EFCAB6: variants seen among roughly 807,000 people sequenced by gnomAD.
EFCAB6 encodes the protein EF-hand calcium-binding domain-containing protein 6.
EFCAB6 carries 156 observed loss-of-function variants against 169.8 expected under a neutral mutation model. The observed-to-expected ratio is 0.92, with a 90% CI of 0.81 to 1.05. The LOEUF is 1.05. Ranked by LOEUF, EFCAB6 falls within the 50% of genes least tolerant of loss-of-function variation. The pLI, the probability that EFCAB6 is intolerant of heterozygous loss-of-function variation, is 0.00. For missense variants in EFCAB6, 1,800 were observed against 1,829.1 expected (o/e 0.98, Z 0.29); for synonymous variants, 698 against 676.4 (o/e 1.03, Z -0.50).
chr22:43,748,847 A>T (rs368245614), intron 6 of EFCAB6, among the ~76,000 whole-genome samples: 2 of 152,186 alleles, frequency 1.3e-5, no homozygotes, highest in African/African-American at 4.8e-5. Flanking sequence ...GAAAGCTGGG[A>T]CATTTAACTG....
chr22:43,671,891 A>T (rs2057507594), intron 15 of EFCAB6, 82 bp downstream of exon 15: 1 of 1,505,768 alleles, frequency 6.6e-7, no homozygotes, highest in South Asian at 1.3e-5. Context: ...AATATTTCAA[A>T]AACACACAGA....
intron 26 of EFCAB6, among the ~76,000 whole-genome samples, chr22:43,573,920 T>C (rs150120205): frequency 1.3e-4 from 20 of 152,336 alleles, no homozygotes; most frequent in African/African-American, 4.8e-4. Context: ...TTCAATCATT[T>C]ATGTCTTTAA....
intron 15 of EFCAB6, among the ~76,000 whole-genome samples, chr22:43,671,391 G>A (rs139053272): frequency 1.5e-3 from 225 of 152,086 alleles, no homozygotes; most frequent in African/African-American, 5.2e-3. Flanking sequence ...TAGTAGAGAT[G>A]GGGTTTCTCC....
chr22:43,791,556 G>C (rs2062289186), intron 2 of EFCAB6, among the ~76,000 whole-genome samples: 1 of 152,106 alleles, frequency 6.6e-6, no homozygotes, highest in South Asian at 2.1e-4. Context: ...AGAAAGACCA[G>C]AGGCCACAGT....
intron 10 of EFCAB6, among the ~76,000 whole-genome samples, chr22:43,708,228 G>A (rs1466729210): frequency 2.0e-5 from 3 of 151,920 alleles, no homozygotes; most frequent in South Asian, 2.1e-4. Flanking sequence ...CCAACATGGC[G>A]AAACCCTATC....
chr22:43,657,362 C>T (rs760672315), intron 17 of EFCAB6, among the ~76,000 whole-genome samples: 2 of 151,704 alleles, frequency 1.3e-5, no homozygotes, highest in Non-Finnish European at 2.9e-5. Flanking sequence ...AAAGGATAGA[C>T]TGAAGTCATT....
chr22:43,658,546 C>T (rs73887376), intron 17 of EFCAB6, among the ~76,000 whole-genome samples: 3,396 of 152,250 alleles, frequency 0.022, 115 homozygotes, highest in African/African-American at 0.078. Flanking sequence ...TTTCGTGGTA[C>T]GCAGGGGATC....
At position 43,716,861 on chromosome 22, in the gene EFCAB6, T is replaced by C; in HGVS notation, c.869A>G (p.Asn290Ser). 6.2e-7 allele frequency: 1 copy of C among 1,603,962 alleles called. No homozygotes were observed. Residue 290 changes from asparagine to serine, a missense_variant, in exon 9 of 32, where the codon AAC becomes AGC. Transcript: ENST00000262726. ...AAAACATCTTACTTGTAGACAAAAG[T>C]TCCTCTCAATTTCATCCAAGGAGTA... is the stretch of plus-strand genomic sequence containing the variant. Reference protein sequence around the residue: ...RNYSLDEIERNFCLQLSKSYE... With the variant: ...RNYSLDEIERSFCLQLSKSYE...
At chr22:43,584,142 C>T (rs2050906298) in intron 24 of EFCAB6, among the ~76,000 whole-genome samples, 1 of 152,072 alleles carries the variant, frequency 6.6e-6, no homozygotes, top group African/African-American at 2.4e-5. Context: ...AATTTAACTA[C>T]CTATCCAAAG....
chr22:43,591,023 T>C (rs1054448946), intron 23 of EFCAB6, among the ~76,000 whole-genome samples: 9 of 151,748 alleles, frequency 5.9e-5, no homozygotes, highest in Admixed American at 1.3e-4. Flanking sequence ...GAAACAGCCA[T>C]CATGTGGTGT....
intron 28 of EFCAB6, among the ~76,000 whole-genome samples, chr22:43,538,162 G>A (rs1245764038): frequency 6.6e-6 from 1 of 152,062 alleles, no homozygotes; most frequent in African/African-American, 2.4e-5. Flanking sequence ...CTGCATCTCA[G>A]TTGATAATTA....
In EFCAB6 at chr22:43,667,109, T is replaced by G. The variant is rs2057297681; in HGVS notation, c.1978A>C (p.Lys660Gln). ...PNGKINVHDF[K>Q]KVLEDTGMPM... ...AGAGAAACCCATTCTCCTACCTTCT[T>G]AAAGTCATGCACGTTAATTTTTCCA... Residue 660 changes from lysine (K) to glutamine (Q), a missense_variant, in exon 17 of 32, where the codon AAG becomes CAG. Coordinates refer to ENST00000262726, the MANE Select transcript of EFCAB6 (RefSeq NM_022785.4). 1 of 1,613,414 alleles carries G rather than the reference T, an allele frequency of 6.2e-7. No homozygotes were observed. The highest frequency in any genetic ancestry group is 1.3e-5 in the African/African-American group (1 of 74,848).
rs551054614 is a variant in EFCAB6, at chr22:43,762,205, T to C, written c.440+3100A>G. Among the ~76,000 whole-genome samples, 3 of 152,240 alleles carry C rather than the reference T, an allele frequency of 2.0e-5. No homozygotes were observed. In the South Asian group the frequency reaches 6.2e-4, roughly 32 times the overall value. On this transcript the variant is annotated intron_variant, in intron 5 of 31. Transcript: ENST00000262726. ...CACTCAGCACCAGTGTTGAAATAGG[T>C]GGTTTTCCTCAGTGTACCCTTTTGT...
At chr22:43,680,946 CT>C (rs1459021948) in intron 12 of EFCAB6, among the ~76,000 whole-genome samples, 1 of 152,100 alleles carries the variant, frequency 6.6e-6, no homozygotes, top group African/African-American at 2.4e-5. Context: ...ATCTTGATGC[CT>C]TTTATTTCTT....
intron 6 of EFCAB6, among the ~76,000 whole-genome samples, chr22:43,745,438 G>C (rs1342403792): frequency 6.6e-6 from 1 of 152,170 alleles, no homozygotes; most frequent in African/African-American, 2.4e-5. Flanking sequence ...CTTCCGTGTA[G>C]CTGTTTTCTG....
chr22:43,759,600 G>A (rs1569475123), intron 5 of EFCAB6: 1 of 152,164 alleles, frequency 6.6e-6, no homozygotes, highest in Non-Finnish European at 1.5e-5. Flanking sequence ...AAGAGATGAT[G>A]ATGTTTCTAC....
At chr22:43,570,917 C>T (rs1215212647) in intron 26 of EFCAB6, among the ~76,000 whole-genome samples, 1 of 152,216 alleles carries the variant, frequency 6.6e-6, no homozygotes, top group East Asian at 1.9e-4. Flanking sequence ...CACCATGGAG[C>T]CCTGGGGCGG....
At chr22:43,747,921 C>G (rs981582597) in intron 6 of EFCAB6, among the ~76,000 whole-genome samples, 1 of 152,196 alleles carries the variant, frequency 6.6e-6, no homozygotes, top group Non-Finnish European at 1.5e-5. Context: ...TCCTCCTGAT[C>G]TAGGTGATAT....
In EFCAB6 at chr22:43,711,549, A is replaced by G; in HGVS notation, c.957T>C (p.Phe319=). ...GDPCKGGYVS[F]NYLKIVLDTF... ...TGTCGAGGACAATCTTTAGATAATT[A>G]AAAGACACGTAGCCACCTTTACAGG... Residue 319 remains phenylalanine, a synonymous_variant, in exon 10 of 32, where the codon TTT becomes TTC. Transcript: ENST00000262726. The G allele has an allele frequency of 6.2e-7, 1 of 1,605,524 alleles. No individual in the cohort carries two copies. Among genetic ancestry groups the G allele is most frequent in the Non-Finnish European group, 8.5e-7 (1 of 1,178,158 alleles).
Sources: allele counts gnomAD v4.1 joint callset (sites outside exome capture counted in the v4.1 genomes callset), GRCh38; gene constraint gnomAD v4.1.1; transcripts MANE v1.5; gene names NCBI Gene and HGNC (gene_info 2026-07-23, HGNC 2026-07-21).